Variants in ECE1 observed in about 807,000 individuals in gnomAD.
ECE1 encodes the protein endothelin converting enzyme 1, also known as endothelin-converting enzyme 1.
In ECE1, 35 loss-of-function variants were observed where a neutral mutation model predicts 98.6. The ratio of observed to expected loss-of-function variants is 0.35; its 90% confidence interval spans 0.27 to 0.47. The LOEUF is 0.47. ECE1 is among the 20% of genes least tolerant of loss of function. ECE1 has a pLI of 1.00. For missense variants in ECE1, 814 were observed against 1,025.3 expected (o/e 0.79, Z 2.81); for synonymous variants, 394 against 407.1 (o/e 0.97, Z 0.39).
intron 1 of ECE1, among the ~76,000 whole-genome samples, chr1:21,312,073 A>G (rs1290384656): frequency 6.8e-6 from 1 of 147,590 alleles, no homozygotes; most frequent in East Asian, 2.0e-4. Flanking sequence ...CAGTGAACTG[A>G]GATCATGCCA....
At chr1:21,262,091 G>A (rs1046854273) in intron 4 of ECE1, among the ~76,000 whole-genome samples, 11 of 152,092 alleles carry the variant, frequency 7.2e-5, no homozygotes, top group East Asian at 3.9e-4. Flanking sequence ...TCAGAGCATC[G>A]AGCCCCGGTC....
intron 2 of ECE1, among the ~76,000 whole-genome samples, chr1:21,285,420 ACT>A (rs2098259394): frequency 1.3e-5 from 2 of 152,076 alleles, no homozygotes; most frequent in Admixed American, 6.5e-5. Flanking sequence ...GACTTCTCAG[ACT>A]CTCAAACCTC....
chr1:21,277,493 A>G (rs968738892), intron 3 of ECE1, among the ~76,000 whole-genome samples: 3 of 152,064 alleles, frequency 2.0e-5, no homozygotes, highest in Non-Finnish European at 4.4e-5. Context: ...TCAGAACTAG[A>G]GCTGATTTAG....
intron 1 of ECE1, among the ~76,000 whole-genome samples, chr1:21,297,389 T>C (rs1200217008): frequency 6.6e-6 from 1 of 152,116 alleles, no homozygotes; most frequent in Admixed American, 6.6e-5. Context: ...TCATCTCTGG[T>C]CCTCTGTCCA....
At chr1:21,320,728 T>C (rs74061611) in intron 1 of ECE1, among the ~76,000 whole-genome samples, 1,857 of 152,328 alleles carry the variant, frequency 0.012, 42 homozygotes, top group African/African-American at 0.041. Flanking sequence ...CAAGCTCCTA[T>C]AGGGGCCGCA....
chr1:21,333,436 T>C (rs1639246076), intron 1 of ECE1, among the ~76,000 whole-genome samples: 1 of 152,140 alleles, frequency 6.6e-6, no homozygotes, highest in Admixed American at 6.5e-5. Context: ...GGGCCAACCA[T>C]GGCCCATTCT....
At chr1:21,237,742 C>T (rs999295510) in intron 11 of ECE1, among the ~76,000 whole-genome samples, 5 of 152,204 alleles carry the variant, frequency 3.3e-5, no homozygotes, top group Admixed American at 3.3e-4. Flanking sequence ...CTCCAAGGCG[C>T]TCTGCCATGG....
At chr1:21,290,529 C>A, upstream of ECE1, 1 of 1,198,890 alleles carries the variant, frequency 8.3e-7, no homozygotes, top group Non-Finnish European at 1.0e-6. This position sits in a 1 kb window ranked among gnomAD's most constrained non-coding sequence, Gnocchi z 7.3. Flanking sequence ...CGCCCGGTTC[C>A]CAACCTCCGG....
intron 8 of ECE1, among the ~76,000 whole-genome samples, chr1:21,251,883 C>G (rs1295577009): frequency 6.6e-6 from 1 of 152,172 alleles, no homozygotes; most frequent in South Asian, 2.1e-4. Flanking sequence ...TTACCTTGTC[C>G]TCTCTGCCCT....
At chr1:21,303,953 G>A (rs1234250843) in intron 1 of ECE1, among the ~76,000 whole-genome samples, 1 of 150,828 alleles carries the variant, frequency 6.6e-6, no homozygotes, top group Non-Finnish European at 1.5e-5. Context: ...GCCTGGCTTA[G>A]AAAAGTTTTT....
chr1:21,238,054 G>C (rs2098190565), intron 11 of ECE1, 80 bp downstream of exon 11: 1 of 1,321,298 alleles, frequency 7.6e-7, no homozygotes. Context: ...CCCAGGGTGG[G>C]CTGGAGTGTG....
At chr1:21,334,436 A>C (rs1390709947) in intron 1 of ECE1, among the ~76,000 whole-genome samples, 2 of 152,250 alleles carry the variant, frequency 1.3e-5, no homozygotes, top group Non-Finnish European at 2.9e-5. Context: ...ACAAGGAACC[A>C]CAAAGCCACA....
chr1:21,278,948 G>A (rs11584132), intron 3 of ECE1, among the ~76,000 whole-genome samples: 2,298 of 152,226 alleles, frequency 0.015, 49 homozygotes, highest in African/African-American at 0.042. Context: ...TGACTTGTCC[G>A]AGGTCACACA....
At chr1:21,265,464 G>A (rs1012903012) in intron 4 of ECE1, among the ~76,000 whole-genome samples, 4 of 152,180 alleles carry the variant, frequency 2.6e-5, no homozygotes, top group Admixed American at 1.3e-4. Flanking sequence ...CCCAGATGGC[G>A]GAGGTTGCAG....
At chr1:21,221,927 C>T in intron 17 of ECE1, 85 bp from the exon 18 acceptor site, 1 of 1,226,694 alleles carries the variant, frequency 8.2e-7, no homozygotes, top group South Asian at 1.2e-5. Context: ...AGGGAGCTCC[C>T]CCGTGTTGGG....
In ECE1 at chr1:21,221,930, G is replaced by A. The variant is rs576289727; in HGVS notation, c.2041-88C>T. On this transcript the variant is annotated intron_variant, in intron 17 of 18. Transcript: ENST00000374893. ...TATGGAGGTCTCAGGGAGCTCCCCC[G>A]TGTTGGGGCAAGGACTAGTTTCTGG... The A allele has an allele frequency of 4.5e-5, 53 of 1,182,960 alleles. No individual in the cohort carries two copies. The African/African-American group carries it at 6.3e-4, about 14-fold the overall frequency. The allele number at this position is 1,182,960 out of a possible 1,614,324, so 73.3% of individuals were successfully genotyped here.
chr1:21,298,516 C>A, intron 1 of ECE1: 1 of 337,684 alleles, frequency 3.0e-6, no homozygotes. Flanking sequence ...CCAAAGGATC[C>A]TTACACGTCT....
intron 1 of ECE1, among the ~76,000 whole-genome samples, chr1:21,305,684 T>C (rs575961758): frequency 6.6e-6 from 1 of 152,142 alleles, no homozygotes; most frequent in Admixed American, 6.5e-5. Flanking sequence ...GAGTGGCCTC[T>C]GGAAAGGGCG....
intron 2 of ECE1, chr1:21,279,799 C>T: frequency 3.3e-6 from 3 of 921,556 alleles, no homozygotes; most frequent in Non-Finnish European, 4.0e-6. Flanking sequence ...TCATTAAACC[C>T]TCATAATCCC....
Sources: gnomAD v4.1 joint callset for allele counts (sites outside exome capture counted in the v4.1 genomes callset) on GRCh38, gnomAD v4.1.1 for gene constraint, Gnocchi (gnomAD v3.1) non-coding constraint, MANE v1.5 for transcripts, NCBI Gene and HGNC (gene_info 2026-07-23, HGNC 2026-07-21) for gene names.